TMEM63B: variants seen among roughly 807,000 people sequenced by gnomAD.
TMEM63B encodes mechanosensitive cation channel TMEM63B.
TMEM63B carries 23 observed loss-of-function variants against 102.6 expected under a neutral mutation model. The ratio of observed to expected loss-of-function variants is 0.22; its 90% CI spans 0.16 to 0.32. The LOEUF is 0.32. Among genes scored for constraint, TMEM63B ranks in the 10% least tolerant of loss-of-function variants. TMEM63B has a pLI of 1.00. For missense variants in TMEM63B, 628 were observed against 1,095.9 expected (o/e 0.57, Z 6.03); for synonymous variants, 444 against 437.0 (o/e 1.02, Z -0.20).
rs376921861 is a variant in TMEM63B, at chr6:44,142,959, T to C, written c.782+1861T>C. ...CCAAGAGGCTAATGCTGTGGTGAACTGATTGCGCCACTGTACTCCAGCCTG... is the reference window on the plus strand; with the variant it reads ...CCAAGAGGCTAATGCTGTGGTGAACCGATTGCGCCACTGTACTCCAGCCTG... On this transcript the variant is annotated intron_variant, in intron 10 of 23. Coordinates refer to ENST00000323267, the MANE Select transcript of TMEM63B (RefSeq NM_018426.3). 2.4e-4 allele frequency among the ~76,000 whole-genome samples: 37 copies of C among 152,288 alleles called. No homozygotes were observed. The East Asian group carries it at 2.9e-3, about 12-fold the overall frequency.
At position 44,154,171 on chromosome 6, in the gene TMEM63B, A is replaced by C; in HGVS notation, c.2209A>C (p.Ser737Arg). ...CTGCTTTGGACACTTCAAATACCTC[A>C]GTGCCCACAACTACAAGGTGTGGGG... ...HVCFGHFKYLSAHNYKIEHTE... is the reference protein window; with the variant it reads ...HVCFGHFKYLRAHNYKIEHTE... The change falls in exon 22 of 24, where the codon AGT becomes CGT. Residue 737 changes from serine to arginine, a missense_variant. Coordinates refer to ENST00000323267, the MANE Select transcript of TMEM63B (RefSeq NM_018426.3). The C allele has an allele frequency of 1.2e-6, 2 of 1,614,002 alleles. No individual in the cohort carries two copies. The highest frequency in any genetic ancestry group is 1.7e-5 in the Admixed American group (1 of 60,012).
chr6:44,152,044 G>A lies in TMEM63B; in HGVS notation c.1836+36G>A, dbSNP rs528855338. ...CTGGGGCAGCAGCGGCCCGCACAGC[G>A]CCCCCTGGTGGCCCAACAAGAAACA... On this transcript the variant is annotated intron_variant, in intron 19 of 23. Transcript: ENST00000323267. The surrounding 1 kb of genome is among the most constrained non-coding windows in gnomAD (Gnocchi z 6.4). 5 of 1,552,804 alleles carry A rather than the reference G, an allele frequency of 3.2e-6. No homozygotes were observed. The highest frequency in any genetic ancestry group is 2.3e-5 in the South Asian group (2 of 85,872).
intron 10 of TMEM63B, among the ~76,000 whole-genome samples, chr6:44,144,996 G>T (rs922272600): frequency 3.3e-5 from 5 of 152,144 alleles, no homozygotes; most frequent in Admixed American, 6.5e-5. Flanking sequence ...CGAACTACTG[G>T]CCAGGTGCGG....
intron 1 of TMEM63B, among the ~76,000 whole-genome samples, chr6:44,133,943 A>G (rs536491881): frequency 9.9e-5 from 15 of 152,238 alleles, no homozygotes; most frequent in African/African-American, 3.4e-4. Flanking sequence ...GGCTGGGGCC[A>G]GGCAGGTAAC....
At chr6:44,141,844 A>G (rs1001958984) in intron 10 of TMEM63B, among the ~76,000 whole-genome samples, 10 of 152,226 alleles carry the variant, frequency 6.6e-5, no homozygotes, top group Admixed American at 2.0e-4. Flanking sequence ...GAATGAGGCC[A>G]GGCATGGTGG....
chr6:44,153,987 T>A, intron 21 of TMEM63B, 86 bp from the exon 22 acceptor site: 5 of 1,552,576 alleles, frequency 3.2e-6, no homozygotes, highest in Non-Finnish European at 4.4e-6. Context: ...CCTGGGAGAG[T>A]GAGGACTGCA....
rs1317006067 is a variant in TMEM63B, at chr6:44,138,742, C to G, written c.407+225C>G. On this transcript the variant is annotated intron_variant, in intron 6 of 23. Transcript: ENST00000323267. The stretch of plus-strand genomic sequence containing the variant: ...CCTCTGTGACCCCCTGCCGGCCCCC[C>G]CGCTTCTCTCCCTGCCCTGCCCCAC... The G allele has an allele frequency of 9.8e-6, 4 of 406,270 alleles. 1 individual carries two copies. Among genetic ancestry groups the G allele is most frequent in the African/African-American group, 6.2e-5 (3 of 48,414 alleles). The allele number at this position is 406,270 out of a possible 1,614,324, so 25.2% of individuals were successfully genotyped here.
intron 6 of TMEM63B, 22 bp from the exon 7 acceptor site, chr6:44,139,445 T>C (rs771116731): frequency 4.3e-6 from 7 of 1,612,926 alleles, no homozygotes; most frequent in Non-Finnish European, 5.9e-6. Context: ...CTAATTCCTT[T>C]GTCCAACCCG....
At chr6:44,132,262 C>G in intron 1 of TMEM63B, 1 of 985,386 alleles carries the variant, frequency 1.0e-6, no homozygotes, top group Non-Finnish European at 1.2e-6. Flanking sequence ...CTTTGTGACC[C>G]CAAGGAGGCG....
intron 5 of TMEM63B, 57 bp from the exon 6 acceptor site, chr6:44,138,423 A>G: frequency 6.2e-7 from 1 of 1,609,662 alleles, no homozygotes; most frequent in Non-Finnish European, 8.5e-7. Flanking sequence ...TTGAGGGAGG[A>G]GAGAGGTTCG....
At chr6:44,134,839 T>A in intron 2 of TMEM63B, 96 bp downstream of exon 2, 1 of 1,537,356 alleles carries the variant, frequency 6.5e-7, no homozygotes. Context: ...CTGCCCCGGT[T>A]TCCCAGGCTT....
chr6:44,146,806 G>A (rs1400647061), intron 10 of TMEM63B, 41 bp from the exon 11 acceptor site: 14 of 1,597,186 alleles, frequency 8.8e-6, no homozygotes, highest in South Asian at 7.7e-5. Flanking sequence ...GGGCAGGTGG[G>A]TGGGGTCCCT....
chr6:44,141,995 G>A (rs753345046), intron 10 of TMEM63B, among the ~76,000 whole-genome samples: 5 of 151,754 alleles, frequency 3.3e-5, no homozygotes, highest in East Asian at 1.9e-4. Flanking sequence ...GGTGGCGTGC[G>A]CCTGTAGTCC....
At chr6:44,140,653 C>T in intron 9 of TMEM63B, 4 of 574,750 alleles carry the variant, frequency 7.0e-6, no homozygotes, top group Non-Finnish European at 1.3e-5. Context: ...AGTAATATTC[C>T]TTCCCCTTCT....
chr6:44,150,221 C>T lies in TMEM63B; in HGVS notation c.1521-3C>T, dbSNP rs780454272. ...GTACCGTTCCCTGCTCCCCTCCCTC[C>T]AGCTCTGGGGAGAACAGGACAACCA... On this transcript the variant is annotated splice_polypyrimidine_tract_variant and splice_region_variant and intron_variant, in intron 16 of 23. Transcript: ENST00000323267. This position sits in a 1 kb window ranked among gnomAD's most constrained non-coding sequence, Gnocchi z 4.7. The T allele has an allele frequency of 9.9e-6, 16 of 1,613,434 alleles. No homozygotes were observed. The highest frequency in any genetic ancestry group is 7.6e-6 in the Non-Finnish European group (9 of 1,179,776).
At chr6:44,149,257 A>G (rs1029261362) in intron 15 of TMEM63B, 4 of 445,160 alleles carry the variant, frequency 9.0e-6, no homozygotes, top group African/African-American at 8.0e-5. Context: ...GAAAGGTTCA[A>G]CTAGATCAGT....
In TMEM63B at chr6:44,148,771, A is replaced by G; in HGVS notation, c.1260-21A>G. 4.3e-6 allele frequency: 7 copies of G among 1,613,950 alleles called. No homozygotes were observed. The highest frequency in any genetic ancestry group is 5.9e-6 in the Non-Finnish European group (7 of 1,179,964). On this transcript the variant is annotated intron_variant, in intron 14 of 23. Coordinates refer to ENST00000323267, the MANE Select transcript of TMEM63B (RefSeq NM_018426.3). The surrounding 1 kb of genome is among the most constrained non-coding windows in gnomAD (Gnocchi z 5.1). ...AATCCTGCCCTTGGTTCCTGGACTG[A>G]CCGGTTCCCCACCTTGCCAGGGAGC...
chr6:44,153,562 C>G (rs949612135), intron 20 of TMEM63B, 114 bp from the exon 21 acceptor site: 73 of 1,273,480 alleles, frequency 5.7e-5, no homozygotes, highest in Admixed American at 1.2e-4. Context: ...GGGGCCCGGG[C>G]AGGAGGAGGG....
At chr6:44,140,992 A>G in intron 9 of TMEM63B, 36 bp from the exon 10 acceptor site, 1 of 1,607,404 alleles carries the variant, frequency 6.2e-7, no homozygotes, top group South Asian at 1.1e-5. Context: ...ACTGGGGTCA[A>G]GCCTCAGAAG....
Sources: gnomAD v4.1 joint callset for allele counts (sites outside exome capture counted in the v4.1 genomes callset) on GRCh38, gnomAD v4.1.1 for gene constraint, Gnocchi (gnomAD v3.1) non-coding constraint, MANE v1.5 for transcripts, NCBI Gene and HGNC (gene_info 2026-07-23, HGNC 2026-07-21) for gene names.